STXBP6: variants seen among roughly 807,000 people sequenced by gnomAD.
The protein encoded by STXBP6 is syntaxin binding protein 6.
Under a neutral mutation model 26.9 loss-of-function variants are expected in STXBP6, and 21 were observed. The ratio of observed to expected loss-of-function variants is 0.78; its 90% CI spans 0.55 to 1.12. STXBP6 has a LOEUF of 1.12. Among genes scored for constraint, STXBP6 ranks in the 50% most tolerant of loss-of-function variants. The pLI is 0.00. For synonymous variants in STXBP6, 97 were observed against 92.6 expected, an observed-to-expected ratio of 1.05 and a Z score of -0.27; for missense variants, 232 against 257.9, an observed-to-expected ratio of 0.90 and a Z score of 0.69.
At chr14:25,022,180 A>G (rs1450581733) in intron 1 of STXBP6, among the ~76,000 whole-genome samples, 4 of 152,234 alleles carry the variant, frequency 2.6e-5, no homozygotes, top group Non-Finnish European at 5.9e-5. Flanking sequence ...AAAGCCTAGA[A>G]GTACATAGTG....
chr14:25,039,510 T>C (rs978589185), intron 1 of STXBP6, among the ~76,000 whole-genome samples: 6 of 152,208 alleles, frequency 3.9e-5, no homozygotes, highest in African/African-American at 9.6e-5. Flanking sequence ...GGATATCTTA[T>C]GTCTCTCTCT....
At chr14:24,901,691 T>C (rs1430782396) in intron 2 of STXBP6, among the ~76,000 whole-genome samples, 1 of 135,486 alleles carries the variant, frequency 7.4e-6, no homozygotes, top group Non-Finnish European at 1.7e-5. Flanking sequence ...AAAGAAGCTA[T>C]ACTAACACAT....
Position 24,819,102 on chromosome 14 carries a change from G to C in STXBP6, c.544C>G (p.Arg182Gly). The C allele has an allele frequency of 6.2e-7, 1 of 1,613,948 alleles. No individual in the cohort carries two copies. Among genetic ancestry groups the C allele is most frequent in the Non-Finnish European group, 8.5e-7 (1 of 1,179,914 alleles). ...ALNERGERLG[R>G]AEEKTEDLKN... is the part of the protein sequence containing the mutation. ...AGGTCTTCTGTCTTCTCCTCTGCTC[G>C]GCCTAATCGCTCTCCACGCTCATTC... Residue 182 changes from arginine to glycine, a missense_variant, in exon 5 of 6, where the codon CGA (arginine) becomes GGA (glycine). Transcript: ENST00000323944.
At chr14:24,909,364 A>G (rs1227909362) in intron 2 of STXBP6, among the ~76,000 whole-genome samples, 2 of 152,224 alleles carry the variant, frequency 1.3e-5, no homozygotes, top group Non-Finnish European at 2.9e-5. Context: ...AACAACCTAG[A>G]TATTTTCCCC....
At chr14:24,860,197 T>C (rs2069484900) in intron 2 of STXBP6, among the ~76,000 whole-genome samples, 2 of 152,150 alleles carry the variant, frequency 1.3e-5, no homozygotes, top group South Asian at 2.1e-4. Flanking sequence ...ATTCGAAAAC[T>C]TGCTATACTC....
At chr14:24,816,925 A>T (rs1249285175) in intron 5 of STXBP6, 1 of 152,176 alleles carries the variant, frequency 6.6e-6, no homozygotes, top group Non-Finnish European at 1.5e-5. Context: ...AGTAGAAAAA[A>T]AATTTATGAA....
intron 2 of STXBP6, among the ~76,000 whole-genome samples, chr14:24,918,839 T>C (rs549644248): frequency 6.6e-6 from 1 of 152,172 alleles, no homozygotes; most frequent in South Asian, 2.1e-4. Context: ...AATATAAGGT[T>C]TCAATTTTGT....
chr14:24,911,690 T>C (rs1441843066), intron 2 of STXBP6, among the ~76,000 whole-genome samples: 3 of 152,180 alleles, frequency 2.0e-5, no homozygotes, highest in Non-Finnish European at 4.4e-5. Flanking sequence ...CCACAGTGAA[T>C]GCCTCATTCC....
chr14:25,021,686 T>C (rs1233295120), intron 1 of STXBP6, among the ~76,000 whole-genome samples: 1 of 152,182 alleles, frequency 6.6e-6, no homozygotes, highest in Non-Finnish European at 1.5e-5. Context: ...TGCTTTCCTT[T>C]CTACTGCCAT....
intron 2 of STXBP6, among the ~76,000 whole-genome samples, chr14:24,877,333 C>T (rs2070181552): frequency 6.6e-6 from 1 of 152,132 alleles, no homozygotes. Context: ...CATTTTCACA[C>T]AATCAAAAAA....
At chr14:25,010,838 T>C (rs1021541877) in intron 1 of STXBP6, among the ~76,000 whole-genome samples, 1 of 152,298 alleles carries the variant, frequency 6.6e-6, no homozygotes, top group East Asian at 1.9e-4. Flanking sequence ...AAACAAAATT[T>C]TGACAAGACC....
At chr14:25,003,639 G>T (rs2140342545) in intron 1 of STXBP6, among the ~76,000 whole-genome samples, 1 of 152,284 alleles carries the variant, frequency 6.6e-6, no homozygotes, top group Non-Finnish European at 1.5e-5. Context: ...ATAAGAATGT[G>T]GTTCAGTACC....
At chr14:24,836,750 A>C (rs2068630746) in intron 4 of STXBP6, among the ~76,000 whole-genome samples, 1 of 152,184 alleles carries the variant, frequency 6.6e-6, no homozygotes, top group South Asian at 2.1e-4. Context: ...ACAAAAGAAA[A>C]AGAAAAATGA....
intron 1 of STXBP6, among the ~76,000 whole-genome samples, chr14:25,019,865 T>C (rs1003050624): frequency 5.0e-5 from 7 of 139,236 alleles, no homozygotes; most frequent in African/African-American, 1.7e-4. Flanking sequence ...ACAAGTTTCG[T>C]GGGTTTTTTT....
rs546065279 is a variant in STXBP6 at position 24,935,088 on chromosome 14, C to T, written c.154+39577G>A. 2.6e-5 allele frequency among the ~76,000 whole-genome samples: 4 copies of T among 152,156 alleles called. No individual in the cohort carries two copies. The East Asian group carries it at 7.7e-4, about 29-fold the overall frequency. On this transcript the variant is annotated intron_variant, in intron 2 of 5. Coordinates refer to ENST00000323944, the MANE Select transcript of STXBP6 (RefSeq NM_001394410.1). ...TGATCTTCCCACAGAGAAATGTGCA[C>T]CATCTAGAAATGTATTTTATAAAAA...
intron 2 of STXBP6, among the ~76,000 whole-genome samples, chr14:24,868,210 A>C (rs1018584436): frequency 6.6e-6 from 1 of 152,130 alleles, no homozygotes; most frequent in African/African-American, 2.4e-5. Context: ...AAACACAAAC[A>C]ACAACAAAAA....
intron 1 of STXBP6, among the ~76,000 whole-genome samples, chr14:25,028,503 C>T (rs183443385): frequency 6.6e-6 from 1 of 151,006 alleles, no homozygotes; most frequent in East Asian, 1.9e-4. Flanking sequence ...AGACTGACTG[C>T]TCAGAAAAAA....
chr14:25,013,466 T>TCACACACACACACACA (rs3219652), intron 1 of STXBP6, among the ~76,000 whole-genome samples: 1 of 143,254 alleles, frequency 7.0e-6, no homozygotes, highest in African/African-American at 2.6e-5. Flanking sequence ...CATCTCTCTT[T>TCACACACACACACACA]CACACACACA....
chr14:24,824,896 G>A (rs908408844), intron 4 of STXBP6, among the ~76,000 whole-genome samples: 1 of 152,190 alleles, frequency 6.6e-6, no homozygotes, highest in Non-Finnish European at 1.5e-5. Context: ...ACATGCACAG[G>A]GAGGTGAAGT....
Sources: allele counts gnomAD v4.1 joint callset (sites outside exome capture counted in the v4.1 genomes callset), GRCh38; gene constraint gnomAD v4.1.1; transcripts MANE v1.5; gene names NCBI Gene and HGNC (gene_info 2026-07-23, HGNC 2026-07-21).